The following C5orf46 variants were observed in gnomAD, a reference collection of about 807,000 sequenced individuals.
C5orf46 encodes uncharacterized protein C5orf46.
In C5orf46, 9 loss-of-function variants were observed where a neutral mutation model predicts 8.9. That is an observed-to-expected ratio of 1.01 (90% CI 0.61 to 1.76). The LOEUF is 1.76. Ranked by LOEUF, C5orf46 falls within the 40% of genes most tolerant of loss-of-function variation. The probability of loss-of-function intolerance (pLI) is 0.00; values close to 1 mark genes in which losing one functional copy is unlikely to be tolerated. For synonymous variants in C5orf46, 47 were observed against 41.4 expected (o/e 1.14, Z -0.52); for missense variants, 98 against 107.8 (o/e 0.91, Z 0.40).
At chr5:147,898,035 T>C (rs1438247940) in intron 2 of C5orf46, among the ~76,000 whole-genome samples, 1 of 152,106 alleles carries the variant, frequency 6.6e-6, no homozygotes, top group East Asian at 1.9e-4. Context: ...GCAATGGAAA[T>C]TCATGAAAAA....
chr5:147,897,013 CT>C lies in C5orf46; in HGVS notation c.243del (p.Gly82GlufsTer73). 6.6e-7 allele frequency: 1 copy of C among 1,512,184 alleles called. No homozygotes were observed. Among genetic ancestry groups the C allele is most frequent in the Non-Finnish European group, 9.0e-7 (1 of 1,105,772 alleles). 93.7% of individuals were successfully genotyped at this position (1,512,184 alleles called of 1,614,324 possible). ...STGFMEFDDN[E>X]GKHSSK ...GGATGTCACTTTGATGAATGTTTTC[CT>C]TCATTATCATCAAATTCCATAAATC... is the stretch of plus-strand genomic sequence containing the variant. On this transcript the variant is annotated frameshift_variant, in exon 3 of 4. Coordinates refer to ENST00000318315, the MANE Select transcript of C5orf46 (RefSeq NM_206966.3). LOFTEE classifies it high-confidence loss of function.
At chr5:147,894,808 T>G in intron 3 of C5orf46, among the ~76,000 whole-genome samples, 1 of 151,376 alleles carries the variant, frequency 6.6e-6, no homozygotes, top group African/African-American at 2.4e-5. Context: ...ACACCTGTAA[T>G]TCCAGCATTT....
chr5:147,888,155 T>C (rs114703299), downstream of C5orf46, among the ~76,000 whole-genome samples: 1,070 of 152,320 alleles, frequency 7.0e-3, 11 homozygotes, highest in African/African-American at 0.024. Context: ...TGACACGTCA[T>C]GTAGAACTAA....
Position 147,897,413 on chromosome 5 carries a change from A to T in C5orf46, c.216-372T>A, listed in dbSNP as rs886922446. On this transcript the variant is annotated intron_variant, in intron 2 of 3. Transcript: ENST00000318315. ...TATTATCTCTTTTTATGTGTGAGAAAACCTTTGAAGCTTAAAGATTAAACA... is the reference window on the plus strand; with the variant it reads ...TATTATCTCTTTTTATGTGTGAGAATACCTTTGAAGCTTAAAGATTAAACA... 3.9e-5 allele frequency among the ~76,000 whole-genome samples: 6 copies of T among 152,326 alleles called. No individual in the cohort carries two copies. In the South Asian group the frequency reaches 6.2e-4, roughly 16 times the overall value.
In C5orf46 at chr5:147,887,414, C is replaced by T. The variant is rs1182655041; in HGVS notation, n.205-6320G>A. The T allele has an allele frequency of 4.1e-4, 63 of 152,108 alleles. 2 individuals are homozygous for T. The highest frequency in any genetic ancestry group is 4.1e-3 in the Admixed American group (63 of 15,256). The allele number at this position is 152,108 out of a possible 1,614,324, so 9.4% of individuals were successfully genotyped here. On this transcript the variant is annotated intron_variant and non_coding_transcript_variant, in intron 2 of 2. Transcript: ENST00000510432. ...TCATTTCAAGCATTGTTAAATGGTG[C>T]ATTCTTTGTTCTGTCCTTAACTCTC... is the stretch of plus-strand genomic sequence containing the variant.
chr5:147,897,149 T>A (rs1181652263), intron 2 of C5orf46, 108 bp from the exon 3 acceptor site: 6 of 471,722 alleles, frequency 1.3e-5, no homozygotes, highest in Admixed American at 4.1e-5. Flanking sequence ...CTTCTCTAGA[T>A]TTTTCTATGT....
chr5:147,895,674 A>C (rs964420269), intron 3 of C5orf46, among the ~76,000 whole-genome samples: 1 of 152,168 alleles, frequency 6.6e-6, no homozygotes, highest in Non-Finnish European at 1.5e-5. Flanking sequence ...GGTACCAAAA[A>C]TTATAGGTGT....
Position 147,900,131 on chromosome 5 carries a change from A to C in C5orf46, c.215+1498T>G, listed in dbSNP as rs17107419. Among the ~76,000 whole-genome samples the C allele has an allele frequency of 9.3e-3, 1,413 of 152,270 alleles. 22 individuals carry two copies. The highest frequency in any genetic ancestry group is 0.033 in the African/African-American group (1,367 of 41,560). ...ACAATACTAATTCAACTGGAGTCTA[A>C]TCTTTAGTTTGTATGTAATGGGTGG... On this transcript the variant is annotated intron_variant, in intron 2 of 3. Transcript: ENST00000318315.
At chr5:147,886,883 T>A (rs996191808) in intron 2 of C5orf46, 3 of 152,112 alleles carry the variant, frequency 2.0e-5, no homozygotes, top group Non-Finnish European at 4.4e-5. Context: ...AATTACATGG[T>A]GTCTAAAATT....
chr5:147,891,567 A>C (rs1377896979), downstream of C5orf46, among the ~76,000 whole-genome samples: 7 of 152,226 alleles, frequency 4.6e-5, no homozygotes. Flanking sequence ...AGATAAAGGC[A>C]GGAAAGTTCT....
chr5:147,891,198 C>A (rs1054827260), downstream of C5orf46, among the ~76,000 whole-genome samples: 1 of 152,144 alleles, frequency 6.6e-6, no homozygotes, highest in African/African-American at 2.4e-5. Context: ...ATGCAGAAAA[C>A]AATACCTCCC....
chr5:147,886,103 AT>A (rs1757413513), intron 2 of C5orf46: 1 of 152,190 alleles, frequency 6.6e-6, no homozygotes, highest in South Asian at 2.1e-4. Flanking sequence ...GTATACTTTT[AT>A]TTATGTAACA....
intron 3 of C5orf46, among the ~76,000 whole-genome samples, chr5:147,893,633 C>T (rs936954750): frequency 3.9e-5 from 6 of 152,098 alleles, no homozygotes; most frequent in Admixed American, 2.0e-4. Flanking sequence ...ACCTCTGCCT[C>T]CCTGGTTCAA....
At chr5:147,899,656 A>G (rs1349622377) in intron 2 of C5orf46, among the ~76,000 whole-genome samples, 1 of 152,186 alleles carries the variant, frequency 6.6e-6, no homozygotes, top group African/African-American at 2.4e-5. Context: ...GTCATTTCGG[A>G]TGGTAACAAA....
intron 2 of C5orf46, among the ~76,000 whole-genome samples, chr5:147,900,202 A>G (rs1400987113): frequency 6.6e-6 from 1 of 152,180 alleles, no homozygotes; most frequent in Non-Finnish European, 1.5e-5. Context: ...TTACATTAAC[A>G]GTCTTGGAAA....
intron 1 of C5orf46, 59 bp from the exon 2 acceptor site, chr5:147,901,832 C>T: frequency 6.4e-7 from 1 of 1,555,810 alleles, no homozygotes; most frequent in South Asian, 1.2e-5. Flanking sequence ...ATCATTCTTT[C>T]TGTGTGGGGA....
chr5:147,899,956 G>C (rs192902173), intron 2 of C5orf46, among the ~76,000 whole-genome samples: 178 of 152,292 alleles, frequency 1.2e-3, no homozygotes, highest in Middle Eastern at 3.4e-3. Context: ...TCTGAGCCTA[G>C]AGCGGACAGC....
At chr5:147,897,092 G>C in intron 2 of C5orf46, 51 bp from the exon 3 acceptor site, 1 of 859,524 alleles carries the variant, frequency 1.2e-6, no homozygotes, top group Non-Finnish European at 1.9e-6. Context: ...GAACAGGAGT[G>C]TTAGAATGAT....
rs1757673559 is a variant in C5orf46, at chr5:147,901,722, G to C, written c.122C>G (p.Pro41Arg). ...TAGGAATTTGGGGAAGTCTGGCTTTGGGTCTTTGCCCGAGTCGTCTGGCTT... is the reference window on the plus strand; with the variant it reads ...TAGGAATTTGGGGAAGTCTGGCTTTCGGTCTTTGCCCGAGTCGTCTGGCTT... Reference protein sequence around the residue: ...DDKPDDSGKDPKPDFPKFLSL... With the variant: ...DDKPDDSGKDRKPDFPKFLSL... Residue 41 changes from proline to arginine, a missense_variant, in exon 2 of 4, where the codon CCA (proline) becomes CGA (arginine). Physicochemically the swap from Pro to Arg is moderately radical, Grantham distance 103. Transcript: ENST00000318315. The C allele has an allele frequency of 1.2e-6, 2 of 1,613,922 alleles. No individual in the cohort carries two copies. The highest frequency in any genetic ancestry group is 3.3e-5 in the Admixed American group (2 of 59,998).
Sources: gnomAD v4.1 joint callset for allele counts (sites outside exome capture counted in the v4.1 genomes callset) on GRCh38, gnomAD v4.1.1 for gene constraint, MANE v1.5 for transcripts, NCBI Gene and HGNC (gene_info 2026-07-23, HGNC 2026-07-21) for gene names.